Variants in RNF144A observed in about 807,000 individuals in gnomAD.
The protein encoded by RNF144A is E3 ubiquitin-protein ligase RNF144A.
Under a neutral mutation model 38.7 loss-of-function variants are expected in RNF144A, and 11 were observed. That is an observed-to-expected ratio of 0.28 (90% confidence interval 0.18 to 0.47). RNF144A has a LOEUF of 0.47. RNF144A is among the 20% of genes least tolerant of loss of function. RNF144A has a pLI of 0.99. For missense variants in RNF144A, 316 were observed against 377.2 expected, an observed-to-expected ratio of 0.84 and a Z score of 1.34; for synonymous variants, 149 against 143.9, an observed-to-expected ratio of 1.04 and a Z score of -0.25.
chr2:6,938,275 T>C (rs1431049279), intron 1 of RNF144A, among the ~76,000 whole-genome samples: 1 of 140,008 alleles, frequency 7.1e-6, no homozygotes, highest in Non-Finnish European at 1.6e-5. Flanking sequence ...TGGATGGAGT[T>C]TCGCTCTTGT....
At chr2:7,008,795 A>G (rs889798955) in intron 3 of RNF144A, among the ~76,000 whole-genome samples, 2 of 152,278 alleles carry the variant, frequency 1.3e-5, no homozygotes, top group South Asian at 4.1e-4. Context: ...AGACCTCTGA[A>G]TGGCCAGGGA....
chr2:6,958,364 G>A lies in RNF144A; in HGVS notation c.-12+17217G>A, dbSNP rs547794549. Reference sequence around the variant, plus strand: ...GCAAGCCTTCCTTGCTTTCCTCCCCGACACCCAGGTGACCACCCAGTTTGG... The same window carrying A: ...GCAAGCCTTCCTTGCTTTCCTCCCCAACACCCAGGTGACCACCCAGTTTGG... On this transcript the variant is annotated intron_variant, in intron 2 of 8. Transcript: ENST00000320892. This position sits in a 1 kb window ranked among gnomAD's most constrained non-coding sequence, Gnocchi z 4.5. Among the ~76,000 whole-genome samples, 4 of 152,338 alleles carry A rather than the reference G, an allele frequency of 2.6e-5. No homozygotes were observed. Among genetic ancestry groups the A allele is most frequent in the East Asian group, 1.9e-4 (1 of 5,188 alleles).
chr2:6,982,375 C>T (rs1410256165), intron 2 of RNF144A, among the ~76,000 whole-genome samples: 1 of 152,120 alleles, frequency 6.6e-6, no homozygotes, highest in Non-Finnish European at 1.5e-5. Context: ...ATCACATTTA[C>T]TTGGCTCCAT....
At chr2:7,048,040 G>C (rs1023401601), downstream of RNF144A, among the ~76,000 whole-genome samples, 6 of 152,108 alleles carry the variant, frequency 3.9e-5, no homozygotes, top group African/African-American at 1.4e-4. Flanking sequence ...TTTCCTTTCT[G>C]TTCCTGGGAT....
Position 7,014,467 on chromosome 2 carries a change from A to G in RNF144A, c.149A>G (p.Tyr50Cys). 1 of 1,612,406 alleles carries G rather than the reference A, an allele frequency of 6.2e-7. No homozygotes were observed. Among genetic ancestry groups the G allele is most frequent in the Non-Finnish European group, 8.5e-7 (1 of 1,178,612 alleles). ...TTTTTCTTTCAGTGCCTGAAACAGT[A>G]TGTTGAGCTCTTGATCAAAGAAGGA... ...CIFCTLCLKQYVELLIKEGLE... is the reference protein window; with the variant it reads ...CIFCTLCLKQCVELLIKEGLE... Residue 50 changes from tyrosine (Y) to cysteine (C), a missense_variant, in exon 4 of 9, where the codon TAT (tyrosine) becomes TGT (cysteine). Tyr to Cys is a radical substitution (Grantham distance 194). Coordinates refer to ENST00000320892, the MANE Select transcript of RNF144A (RefSeq NM_014746.6).
chr2:6,961,002 A>G (rs1667297749), intron 2 of RNF144A, among the ~76,000 whole-genome samples: 1 of 152,152 alleles, frequency 6.6e-6, no homozygotes, highest in Non-Finnish European at 1.5e-5. Context: ...GGTAGTGAAG[A>G]AAGCTTTCAG....
intron 6 of RNF144A, 188 bp downstream of exon 6, chr2:7,020,868 A>T (rs1183983547): frequency 9.9e-6 from 6 of 603,100 alleles, no homozygotes; most frequent in Non-Finnish European, 1.8e-5. Context: ...TTGAGAACTG[A>T]CTATGTACCA....
At chr2:7,034,667 TTAGAAGCCAAGA>T (rs1672546567) in intron 8 of RNF144A, among the ~76,000 whole-genome samples, 1 of 152,190 alleles carries the variant, frequency 6.6e-6, no homozygotes. Context: ...GGGTGAGACA[TTAGAAGCCAAGA>T]ATTATTTCTT....
chr2:6,934,366 T>C (rs1191740992), intron 1 of RNF144A, among the ~76,000 whole-genome samples: 1 of 152,192 alleles, frequency 6.6e-6, no homozygotes, highest in Non-Finnish European at 1.5e-5. Flanking sequence ...TCTATTGATA[T>C]TTTTCTTTAT....
chr2:7,060,747 C>A (rs538196382), intron 6 of RNF144A, among the ~76,000 whole-genome samples: 2 of 152,236 alleles, frequency 1.3e-5, no homozygotes, highest in Non-Finnish European at 2.9e-5. Context: ...CTGAGACCCA[C>A]TCAGATGCCC....
At chr2:6,927,441 G>A (rs952611402) in intron 1 of RNF144A, among the ~76,000 whole-genome samples, 1 of 152,256 alleles carries the variant, frequency 6.6e-6, no homozygotes, top group African/African-American at 2.4e-5. Flanking sequence ...GGGAGGACCA[G>A]CTTGACTGTG....
Position 6,938,549 on chromosome 2 carries a change from TTC to T in RNF144A, c.-211-2397_-211-2396del, listed in dbSNP as rs1347581903. Reference sequence around the variant, plus strand: ...GTGTGAGCCACTGTGCCCGGCCTCTTTCTTTCTTTTTAAATAGTAGTTTTATT... The same window carrying T: ...GTGTGAGCCACTGTGCCCGGCCTCTTTTTCTTTTTAAATAGTAGTTTTATT... On this transcript the variant is annotated intron_variant, in intron 1 of 8. Transcript: ENST00000320892. Among the ~76,000 whole-genome samples, 21 of 152,192 alleles carry T rather than the reference TTC, an allele frequency of 1.4e-4. No homozygotes were observed. In the East Asian group the frequency reaches 3.7e-3, roughly 27 times the overall value.
At chr2:7,017,450 C>T (rs1251810959) in intron 5 of RNF144A, among the ~76,000 whole-genome samples, 2 of 152,146 alleles carry the variant, frequency 1.3e-5, no homozygotes, top group African/African-American at 4.8e-5. Flanking sequence ...CCCACCATCC[C>T]AGCCCTGCAC....
chr2:6,969,877 T>G (rs1667890936), intron 2 of RNF144A, among the ~76,000 whole-genome samples: 1 of 152,162 alleles, frequency 6.6e-6, no homozygotes, highest in Non-Finnish European at 1.5e-5. Flanking sequence ...TTCTCCTGCC[T>G]CAGCCTCCCC....
In RNF144A at chr2:7,042,881, T is replaced by G. The variant is rs1049666064; in HGVS notation, c.*3121T>G. On this transcript the variant is annotated 3_prime_UTR_variant, in exon 9 of 9. Transcript: ENST00000320892. ...TGGCATTTTCTTTCTTTTTTTTTCT[T>G]TTTGAGACGGAGTTTCGCTTTTGTC... 5 of 984,066 alleles carry G rather than the reference T, an allele frequency of 5.1e-6. No individual in the cohort carries two copies. The highest frequency in any genetic ancestry group is 1.2e-4 in the Admixed American group (2 of 16,274). The allele number at this position is 984,066 out of a possible 1,614,324, so 61.0% of individuals were successfully genotyped here. A position where few individuals can be genotyped will look rare whatever the true frequency, so the allele number is the denominator to read the frequency against.
chr2:7,026,324 C>G (rs1671889915), intron 7 of RNF144A, among the ~76,000 whole-genome samples: 1 of 152,182 alleles, frequency 6.6e-6, no homozygotes, highest in Non-Finnish European at 1.5e-5. Context: ...TCACCATCTT[C>G]TATCCTGAGG....
At chr2:6,963,301 G>C (rs1379664373) in intron 2 of RNF144A, among the ~76,000 whole-genome samples, 1 of 152,082 alleles carries the variant, frequency 6.6e-6, no homozygotes, top group Non-Finnish European at 1.5e-5. Context: ...CCAATGATTT[G>C]GGGGGCATGA....
chr2:6,927,085 G>A (rs185637261), intron 1 of RNF144A, among the ~76,000 whole-genome samples: 13 of 152,282 alleles, frequency 8.5e-5, no homozygotes, highest in East Asian at 5.8e-4. Flanking sequence ...TGTTGGTCCC[G>A]TGAGATTGCC....
In RNF144A at chr2:6,973,512, G is replaced by A. The variant is rs759608706; in HGVS notation, c.-11-23404G>A. On this transcript the variant is annotated intron_variant, in intron 2 of 8. Coordinates refer to ENST00000320892, the MANE Select transcript of RNF144A (RefSeq NM_014746.6). ...CTGGTCACTTCACAGTACAGGGCGG[G>A]CATCTCTGCAGAAGGCCAGCCTGGC... Among the ~76,000 whole-genome samples the A allele has an allele frequency of 3.9e-5, 6 of 152,230 alleles. No individual in the cohort carries two copies. The South Asian group carries it at 1.0e-3, about 26-fold the overall frequency.
Sources: allele counts gnomAD v4.1 joint callset (sites outside exome capture counted in the v4.1 genomes callset), GRCh38; gene constraint gnomAD v4.1.1; non-coding constraint Gnocchi (gnomAD v3.1); transcripts MANE v1.5; gene names NCBI Gene and HGNC (gene_info 2026-07-23, HGNC 2026-07-21).